The following SLC28A3 variants were observed in gnomAD, a reference collection of about 807,000 sequenced individuals.
The protein encoded by SLC28A3 is solute carrier family 28 member 3.
In SLC28A3, 68 loss-of-function variants were observed where a neutral mutation model predicts 84.2. The observed-to-expected ratio is 0.81, with a 90% CI of 0.66 to 0.99. SLC28A3 has a LOEUF of 0.99. SLC28A3 is among the 50% of genes least tolerant of loss of function. The pLI is 0.00. For synonymous variants in SLC28A3, 267 were observed against 303.6 expected (o/e 0.88, Z 1.25); for missense variants, 712 against 841.5 (o/e 0.85, Z 1.90).
At chr9:84,346,796 C>CA in the SLC28A3 span, among the ~76,000 whole-genome samples, 1 of 152,242 alleles carries the variant, frequency 6.6e-6, no homozygotes, top group Admixed American at 6.5e-5. Context: ...TTAACACAGC[C>CA]AAAGACTGGC....
chr9:84,363,152 C>T, the SLC28A3 span, among the ~76,000 whole-genome samples: 3 of 151,962 alleles, frequency 2.0e-5, no homozygotes, highest in Non-Finnish European at 4.4e-5. Flanking sequence ...ATATTTAAAG[C>T]TATGGAACAT....
chr9:84,306,356 A>G (rs528763472), intron 3 of SLC28A3, among the ~76,000 whole-genome samples: 45 of 152,146 alleles, frequency 3.0e-4, no homozygotes, highest in Non-Finnish European at 5.9e-4. Flanking sequence ...CCGCCTTCCA[A>G]CAGTCTCGCC....
intron 8 of SLC28A3, 70 bp from the exon 9 acceptor site, chr9:84,294,345 CCTCT>C: frequency 7.0e-7 from 1 of 1,424,344 alleles, no homozygotes; most frequent in African/African-American, 1.4e-5. Context: ...TATCAGGCCT[CCTCT>C]CTGTCTCCTT....
chr9:84,350,398 G>A, the SLC28A3 span, among the ~76,000 whole-genome samples: 46 of 151,914 alleles, frequency 3.0e-4, no homozygotes, highest in East Asian at 2.3e-3. Context: ...CCAAGATTGC[G>A]TCATTGCACT....
At chr9:84,305,797 G>T (rs186104544) in intron 3 of SLC28A3, among the ~76,000 whole-genome samples, 1 of 152,318 alleles carries the variant, frequency 6.6e-6, no homozygotes, top group African/African-American at 2.4e-5. Context: ...AGTTGGTGGT[G>T]CTCTGTCCCC....
chr9:84,298,771 T>C (rs1825514119), intron 6 of SLC28A3, among the ~76,000 whole-genome samples: 1 of 152,220 alleles, frequency 6.6e-6, no homozygotes, highest in Non-Finnish European at 1.5e-5. Flanking sequence ...TGTAAGTGAA[T>C]TAAGTAAAAT....
intron 5 of SLC28A3, 70 bp from the exon 6 acceptor site, chr9:84,299,795 T>TA: frequency 7.3e-6 from 3 of 409,074 alleles, no homozygotes; most frequent in Non-Finnish European, 1.1e-5. Flanking sequence ...TCAGGCTTAA[T>TA]TTTTTTTTTT....
intron 8 of SLC28A3, 51 bp downstream of exon 8, chr9:84,297,170 C>G: frequency 6.6e-7 from 1 of 1,506,252 alleles, no homozygotes; most frequent in Non-Finnish European, 9.1e-7. Context: ...TCTACAAAGA[C>G]AGAAGCCGCT....
At chr9:84,351,820 A>T in the SLC28A3 span, among the ~76,000 whole-genome samples, 1 of 151,958 alleles carries the variant, frequency 6.6e-6, no homozygotes, top group Non-Finnish European at 1.5e-5. Context: ...TAGGAAATAC[A>T]CGTTGGAGTA....
At chr9:84,324,286 A>C (rs553670116) in intron 1 of SLC28A3, among the ~76,000 whole-genome samples, 1 of 152,316 alleles carries the variant, frequency 6.6e-6, no homozygotes, top group East Asian at 1.9e-4. Flanking sequence ...TCCTCCTTGC[A>C]AATGTTTCCG....
At chr9:84,317,408 G>A (rs1009999031) in intron 1 of SLC28A3, among the ~76,000 whole-genome samples, 48 of 152,314 alleles carry the variant, frequency 3.2e-4, no homozygotes, top group Admixed American at 1.1e-3. Flanking sequence ...AGCCACAATA[G>A]TGGTCTTCCT....
chr9:84,331,008 C>T (rs139009989), intron 1 of SLC28A3, among the ~76,000 whole-genome samples: 135 of 152,234 alleles, frequency 8.9e-4, no homozygotes, highest in South Asian at 1.7e-3. Flanking sequence ...GAGTAAGTGG[C>T]TCCTCAATTT....
intron 1 of SLC28A3, among the ~76,000 whole-genome samples, chr9:84,323,703 A>T (rs978122297): frequency 1.3e-5 from 2 of 152,058 alleles, no homozygotes; most frequent in Non-Finnish European, 2.9e-5. Flanking sequence ...GATTACAGGC[A>T]TGAGAAAGAA....
chr9:84,309,925 TC>T (rs1299733666), intron 2 of SLC28A3, among the ~76,000 whole-genome samples: 1 of 152,204 alleles, frequency 6.6e-6, no homozygotes, highest in Non-Finnish European at 1.5e-5. Flanking sequence ...ACTGAACTCT[TC>T]CTTTCCTTCC....
rs1446865370 is a variant in SLC28A3 at position 84,307,311 on chromosome 9, A to G, written c.243-1966T>C. Among the ~76,000 whole-genome samples the G allele has an allele frequency of 2.0e-5, 3 of 151,756 alleles. No homozygotes were observed. In the East Asian group the frequency reaches 5.8e-4, roughly 30 times the overall value. ...CCGGGTGTGGTGGCACAGGCCTGTA[A>G]TCCCAGCTACTCGGGAGGCTAAGGC... On this transcript the variant is annotated intron_variant, in intron 3 of 17. Coordinates refer to ENST00000376238, the MANE Select transcript of SLC28A3 (RefSeq NM_001199633.2).
chr9:84,293,807 T>C (rs1825320582), intron 9 of SLC28A3, among the ~76,000 whole-genome samples: 1 of 152,006 alleles, frequency 6.6e-6, no homozygotes, highest in Admixed American at 6.5e-5. Context: ...TTTTGTAACC[T>C]CCTTAAGCAA....
At chr9:84,300,174 C>T (rs564920724) in intron 5 of SLC28A3, among the ~76,000 whole-genome samples, 1 of 152,316 alleles carries the variant, frequency 6.6e-6, no homozygotes, top group South Asian at 2.1e-4. Context: ...GAAACTGCAA[C>T]AGATTTTTTT....
chr9:84,357,292 G>A, the SLC28A3 span, among the ~76,000 whole-genome samples: 1 of 152,126 alleles, frequency 6.6e-6, no homozygotes, highest in Non-Finnish European at 1.5e-5. Context: ...TGGGGTTTAG[G>A]TGCACAGCCT....
chr9:84,288,006 C>G (rs201665071), intron 12 of SLC28A3, 42 bp downstream of exon 12: 2 of 1,611,504 alleles, frequency 1.2e-6, no homozygotes, highest in African/African-American at 1.3e-5. Flanking sequence ...TCCCCCGCCC[C>G]GGCTTGGGTA....
Sources: allele counts gnomAD v4.1 joint callset (sites outside exome capture counted in the v4.1 genomes callset), GRCh38; gene constraint gnomAD v4.1.1; transcripts MANE v1.5; gene names NCBI Gene and HGNC (gene_info 2026-07-23, HGNC 2026-07-21).